CXCL13: variants seen among roughly 807,000 people sequenced by gnomAD.
CXCL13 encodes the protein C-X-C motif chemokine ligand 13.
CXCL13 carries 7 observed loss-of-function variants against 12.2 expected under a neutral mutation model. The ratio of observed to expected loss-of-function variants is 0.57; its 90% CI spans 0.33 to 1.07. The LOEUF (loss-of-function observed/expected upper bound fraction) is 1.07. Ranked by LOEUF, CXCL13 falls within the 50% of genes least tolerant of loss-of-function variation. The pLI is 0.04. For missense variants in CXCL13, 113 were observed against 127.4 expected, an observed-to-expected ratio of 0.89 and a Z score of 0.55; for synonymous variants, 47 against 42.4, an observed-to-expected ratio of 1.11 and a Z score of -0.42.
At chr4:77,516,538 G>T (rs985084431) in intron 1 of CXCL13, among the ~76,000 whole-genome samples, 3 of 152,216 alleles carry the variant, frequency 2.0e-5, no homozygotes, top group African/African-American at 4.8e-5. Context: ...AGTCTTGGGA[G>T]AGTGTATGTG....
At chr4:77,552,969 A>C (rs1301352932) in intron 1 of CXCL13, among the ~76,000 whole-genome samples, 5 of 152,324 alleles carry the variant, frequency 3.3e-5, no homozygotes, top group African/African-American at 1.2e-4. Context: ...ACCACCATCT[A>C]TGCCCATGAA....
At chr4:77,563,829 C>G (rs535499196) in intron 1 of CXCL13, among the ~76,000 whole-genome samples, 12 of 152,266 alleles carry the variant, frequency 7.9e-5, no homozygotes, top group East Asian at 7.7e-4. Flanking sequence ...GAGGAATGAA[C>G]AGGTGTCTTT....
intron 1 of CXCL13, among the ~76,000 whole-genome samples, chr4:77,549,303 A>G (rs565867637): frequency 7.2e-5 from 11 of 152,288 alleles, no homozygotes; most frequent in African/African-American, 2.4e-4. Flanking sequence ...AGCTCGGAGA[A>G]GTTTATTACC....
At chr4:77,527,195 G>C (rs76398665) in intron 1 of CXCL13, among the ~76,000 whole-genome samples, 56 of 152,250 alleles carry the variant, frequency 3.7e-4, no homozygotes, top group South Asian at 1.7e-3. Context: ...ACAAAATGTA[G>C]CACTGTACAC....
At chr4:77,525,373 G>A (rs1031848387) in intron 1 of CXCL13, among the ~76,000 whole-genome samples, 9 of 152,208 alleles carry the variant, frequency 5.9e-5, no homozygotes, top group Middle Eastern at 3.4e-3. Flanking sequence ...CTCATTTGGG[G>A]GGTTTTCTTG....
intron 1 of CXCL13, among the ~76,000 whole-genome samples, chr4:77,562,829 T>G (rs1332970709): frequency 1.3e-5 from 2 of 152,126 alleles, no homozygotes; most frequent in African/African-American, 4.8e-5. Flanking sequence ...CAATCAGCAC[T>G]CTGTCAAAAC....
At chr4:77,574,240 A>G in intron 1 of CXCL13, among the ~76,000 whole-genome samples, 1 of 151,746 alleles carries the variant, frequency 6.6e-6, no homozygotes, top group East Asian at 1.9e-4. Context: ...TATCACCTTC[A>G]ATGTCCCATG....
At chr4:77,577,752 A>G (rs1726230596) in intron 1 of CXCL13, among the ~76,000 whole-genome samples, 4 of 152,144 alleles carry the variant, frequency 2.6e-5, no homozygotes, top group Admixed American at 2.6e-4. Flanking sequence ...AAAGAGGAAT[A>G]TCTCACTTTC....
At chr4:77,527,855 T>C (rs1353565043) in intron 1 of CXCL13, among the ~76,000 whole-genome samples, 2 of 152,174 alleles carry the variant, frequency 1.3e-5, no homozygotes, top group African/African-American at 4.8e-5. Flanking sequence ...TGTATACATG[T>C]GCCATGTTGG....
At chr4:77,583,437 A>G (rs963206657) in intron 1 of CXCL13, among the ~76,000 whole-genome samples, 4 of 152,240 alleles carry the variant, frequency 2.6e-5, no homozygotes, top group African/African-American at 9.6e-5. Context: ...TGTGTAAGCC[A>G]CTGCCTCCAA....
At chr4:77,563,457 T>G (rs541864441) in intron 1 of CXCL13, among the ~76,000 whole-genome samples, 1 of 152,320 alleles carries the variant, frequency 6.6e-6, no homozygotes, top group Non-Finnish European at 1.5e-5. Context: ...CATCTCTACT[T>G]CCCTGCATTT....
chr4:77,585,287 A>T (rs997605036), intron 1 of CXCL13, among the ~76,000 whole-genome samples: 4 of 152,226 alleles, frequency 2.6e-5, no homozygotes, highest in African/African-American at 9.6e-5. Flanking sequence ...GCACAGGAGC[A>T]GGGGGACTTG....
chr4:77,564,592 C>A (rs112923993), intron 1 of CXCL13, among the ~76,000 whole-genome samples: 3 of 152,302 alleles, frequency 2.0e-5, no homozygotes, highest in African/African-American at 7.2e-5. Context: ...CTGACAACAA[C>A]CCTTTAAGGC....
intron 1 of CXCL13, among the ~76,000 whole-genome samples, chr4:77,545,445 C>A (rs1414301561): frequency 6.6e-6 from 1 of 152,070 alleles, no homozygotes; most frequent in Non-Finnish European, 1.5e-5. Context: ...TGTAGTTCTC[C>A]TTGAAGAGGT....
At chr4:77,571,008 G>T (rs1350699140) in intron 1 of CXCL13, among the ~76,000 whole-genome samples, 5 of 152,022 alleles carry the variant, frequency 3.3e-5, no homozygotes, top group African/African-American at 1.2e-4. Context: ...CTGCTCCACG[G>T]TGCCCAGTCC....
intron 1 of CXCL13, among the ~76,000 whole-genome samples, chr4:77,528,867 A>G (rs144980707): frequency 1.3e-5 from 2 of 152,202 alleles, no homozygotes; most frequent in East Asian, 1.9e-4. Flanking sequence ...CCTATGTCCT[A>G]AATGGTATTG....
At chr4:77,548,448 G>T (rs1234794429) in intron 1 of CXCL13, among the ~76,000 whole-genome samples, 1 of 152,202 alleles carries the variant, frequency 6.6e-6, no homozygotes, top group African/African-American at 2.4e-5. Flanking sequence ...TGTGCCCAAG[G>T]TCATGGACAG....
chr4:77,551,775 G>GTTTAT, intron 1 of CXCL13, among the ~76,000 whole-genome samples: 1 of 152,056 alleles, frequency 6.6e-6, no homozygotes, highest in East Asian at 1.9e-4. Context: ...CAAAGACTTT[G>GTTTAT]TTTATTTTTT....
At chr4:77,524,226 C>T (rs1724701007) in intron 1 of CXCL13, among the ~76,000 whole-genome samples, 1 of 152,196 alleles carries the variant, frequency 6.6e-6, no homozygotes, top group South Asian at 2.1e-4. Context: ...ATTCTCAGAG[C>T]TCAAATGCCA....
Sources: allele counts gnomAD v4.1 joint callset (sites outside exome capture counted in the v4.1 genomes callset), GRCh38; gene constraint gnomAD v4.1.1; transcripts MANE v1.5; gene names NCBI Gene and HGNC (gene_info 2026-07-23, HGNC 2026-07-21).